KCNQ3: variants seen among roughly 807,000 people sequenced by gnomAD.
The protein encoded by KCNQ3 is potassium voltage-gated channel subfamily KQT member 3.
In KCNQ3, 30 loss-of-function variants were observed where a neutral mutation model predicts 92.5. The ratio of observed to expected loss-of-function variants is 0.32; its 90% CI spans 0.24 to 0.44. The LOEUF is 0.44. Ranked by LOEUF, KCNQ3 falls within the 20% of genes least tolerant of loss-of-function variation. KCNQ3 has a pLI of 1.00. For synonymous variants in KCNQ3, 450 were observed against 468.8 expected, an observed-to-expected ratio of 0.96 and a Z score of 0.52; for missense variants, 913 against 1,140.3, an observed-to-expected ratio of 0.80 and a Z score of 2.87.
In KCNQ3 at chr8:132,480,249, C is replaced by T; in HGVS notation, c.284G>A (p.Arg95His). 1.2e-6 allele frequency: 2 copies of T among 1,612,772 alleles called. No homozygotes were observed. Among genetic ancestry groups the T allele is most frequent in the Middle Eastern group, 3.3e-4 (2 of 6,056 alleles). ...CTTGGCGTTGTTTCTCTTGACTGGG[C>T]GGCTCAGCGGGGTCTTGGCCAGGAG... ...IGLLAKTPLS[R>H]PVKRNNAKYR... is the part of the protein sequence containing the mutation. The change falls in exon 1 of 15, where the codon CGC becomes CAC. Residue 95 changes from arginine to histidine, a missense_variant. Transcript: ENST00000388996.
At chr8:132,453,559 C>T (rs553709847) in intron 1 of KCNQ3, among the ~76,000 whole-genome samples, 60 of 152,276 alleles carry the variant, frequency 3.9e-4, no homozygotes, top group African/African-American at 1.3e-3. Flanking sequence ...TCCTTCTAGG[C>T]GGGTGGTGTC....
At chr8:132,137,771 C>T (rs750379771) in intron 12 of KCNQ3, 114 bp downstream of exon 12, 1 of 1,314,580 alleles carries the variant, frequency 7.6e-7, no homozygotes, top group Non-Finnish European at 1.1e-6. Flanking sequence ...GGATATTTGT[C>T]TTCTTAAAAT....
At chr8:132,234,830 G>A (rs1814759420) in intron 1 of KCNQ3, among the ~76,000 whole-genome samples, 1 of 152,136 alleles carries the variant, frequency 6.6e-6, no homozygotes, top group Admixed American at 6.5e-5. Context: ...TCTGGACTAT[G>A]CACTCCTCTC....
chr8:132,410,676 C>G (rs979113534), intron 1 of KCNQ3, among the ~76,000 whole-genome samples: 5 of 152,218 alleles, frequency 3.3e-5, no homozygotes, highest in African/African-American at 1.2e-4. Flanking sequence ...CTAACGTTAC[C>G]TTTCACTACA....
chr8:132,480,441 CCTCCGG>C lies in KCNQ3; in HGVS notation c.86_91del (p.Ala29_Gly30del). On this transcript the variant is annotated inframe_deletion, in exon 1 of 15. Transcript: ENST00000388996. ...CTCGTCGCCGGCCGCCGCCGCGTCC[CCTCCGG>C]CTGGGTTAGCCGCCCCGCCGCCTCC... The C allele has an allele frequency of 7.1e-7, 1 of 1,418,254 alleles. No homozygotes were observed. The highest frequency in any genetic ancestry group is 1.6e-5 in the South Asian group (1 of 63,746). 87.9% of individuals were successfully genotyped at this position (1,418,254 alleles called of 1,614,324 possible). A position where few individuals can be genotyped will look rare whatever the true frequency, so the allele number is the denominator to read the frequency against.
At chr8:132,244,920 C>CAAAAAAAAAAAAAAAAAAA (rs35215337) in intron 1 of KCNQ3, among the ~76,000 whole-genome samples, 1 of 112,376 alleles carries the variant, frequency 8.9e-6, no homozygotes. Flanking sequence ...CTCACTTGAC[C>CAAAAAAAAAAAAAAAAAAA]AAAAAAAAAA....
chr8:132,147,611 GATAA>G (rs376432264), intron 9 of KCNQ3, among the ~76,000 whole-genome samples: 3 of 152,138 alleles, frequency 2.0e-5, no homozygotes, highest in East Asian at 1.9e-4. Flanking sequence ...TGAATGGATG[GATAA>G]ATAAATGGAT....
intron 1 of KCNQ3, among the ~76,000 whole-genome samples, chr8:132,373,528 T>G (rs952210935): frequency 4.6e-5 from 7 of 152,150 alleles, no homozygotes; most frequent in African/African-American, 1.7e-4. Flanking sequence ...ATTTAACTAC[T>G]TGCATATACT....
intron 1 of KCNQ3, among the ~76,000 whole-genome samples, chr8:132,417,597 C>T (rs545047304): frequency 6.6e-6 from 1 of 152,340 alleles, no homozygotes; most frequent in Admixed American, 6.5e-5. Context: ...TGGTGACATA[C>T]ACACTCTATG....
chr8:132,388,643 T>C (rs1819964882), intron 1 of KCNQ3, among the ~76,000 whole-genome samples: 2 of 152,334 alleles, frequency 1.3e-5, no homozygotes, highest in South Asian at 4.1e-4. Flanking sequence ...TAAAGTTTCA[T>C]TCATTTATTA....
chr8:132,258,791 A>C (rs1186628727), intron 1 of KCNQ3, among the ~76,000 whole-genome samples: 1 of 152,106 alleles, frequency 6.6e-6, no homozygotes, highest in Non-Finnish European at 1.5e-5. Context: ...AGATGACTCA[A>C]GTTACTAAAA....
chr8:132,312,188 C>A (rs147786825), intron 1 of KCNQ3, among the ~76,000 whole-genome samples: 122 of 152,306 alleles, frequency 8.0e-4, no homozygotes, highest in Non-Finnish European at 1.4e-3. Flanking sequence ...GAATACATTT[C>A]TGTTGTTTTA....
chr8:132,363,470 G>A (rs975472704), intron 1 of KCNQ3, among the ~76,000 whole-genome samples: 7 of 152,078 alleles, frequency 4.6e-5, no homozygotes, highest in Non-Finnish European at 8.8e-5. Context: ...AGGGGAGAGG[G>A]TGTCAAAAGT....
intron 1 of KCNQ3, among the ~76,000 whole-genome samples, chr8:132,188,156 T>C (rs1827059368): frequency 6.6e-6 from 1 of 152,170 alleles, no homozygotes; most frequent in Non-Finnish European, 1.5e-5. Flanking sequence ...AGCAGCTCAT[T>C]GACTTGGCAG....
chr8:132,320,659 GGAAATCTAA>G (rs1358965612), intron 1 of KCNQ3, among the ~76,000 whole-genome samples: 1 of 152,050 alleles, frequency 6.6e-6, no homozygotes, highest in Non-Finnish European at 1.5e-5. Flanking sequence ...TCTCCTGGAA[GGAAATCTAA>G]TACATACTGA....
At chr8:132,316,096 A>AT (rs532439547) in intron 1 of KCNQ3, among the ~76,000 whole-genome samples, 26 of 151,306 alleles carry the variant, frequency 1.7e-4, no homozygotes, top group East Asian at 3.9e-4. Flanking sequence ...TTCCTTGCTT[A>AT]TTTTTTTTTC....
chr8:132,212,470 T>C (rs190031374), intron 1 of KCNQ3, among the ~76,000 whole-genome samples: 34 of 152,244 alleles, frequency 2.2e-4, no homozygotes, highest in African/African-American at 7.2e-4. Context: ...TTCAGAATCA[T>C]GTTCCTTAAA....
chr8:132,134,090 C>CT (rs1824980204), intron 13 of KCNQ3, among the ~76,000 whole-genome samples, 200 bp downstream of exon 13: 1 of 152,214 alleles, frequency 6.6e-6, no homozygotes, highest in East Asian at 1.9e-4. Context: ...TCCACATGGT[C>CT]TGGGAAGAGG....
rs74779133 is a variant in KCNQ3 at position 132,436,673 on chromosome 8, G to A, written c.386+43474C>T. Among the ~76,000 whole-genome samples the A allele has an allele frequency of 4.0e-3, 615 of 152,242 alleles. 5 individuals are homozygous for A. The highest frequency in any genetic ancestry group is 6.4e-3 in the Non-Finnish European group (435 of 68,020). On this transcript the variant is annotated intron_variant, in intron 1 of 14. Coordinates refer to ENST00000388996, the MANE Select transcript of KCNQ3 (RefSeq NM_004519.4). ...ATTTTTGCTATGTATTTCACGTGAG[G>A]TTTTGAGTTTGTTTCTCCACACTTT...
Sources: allele counts gnomAD v4.1 joint callset (sites outside exome capture counted in the v4.1 genomes callset), GRCh38; gene constraint gnomAD v4.1.1; transcripts MANE v1.5; gene names NCBI Gene and HGNC (gene_info 2026-07-23, HGNC 2026-07-21).